The following LRRK2 variants were observed in gnomAD, a reference collection of about 807,000 sequenced individuals.
The protein encoded by LRRK2 is leucine rich repeat kinase 2.
A neutral mutation model predicts 302.6 loss-of-function variants in LRRK2; 203 were observed. The observed-to-expected ratio is 0.67, with a 90% CI of 0.60 to 0.75. The LOEUF (loss-of-function observed/expected upper bound fraction) is 0.75. Ranked by LOEUF, LRRK2 falls within the 30% of genes least tolerant of loss-of-function variation. The pLI is 0.00. For synonymous variants in LRRK2, 1,066 were observed against 1,031.9 expected (o/e 1.03, Z -0.63); for missense variants, 2,830 against 2,951.0 (o/e 0.96, Z 0.95).
At chr12:40,356,323 AAAATCTTGAACACAGTAGATCCTCTG>A in intron 46 of LRRK2, 136 bp downstream of exon 46, 2 of 646,402 alleles carry the variant, frequency 3.1e-6, no homozygotes, top group Non-Finnish European at 2.6e-6. Context: ...ATTGCTTCAT[AAAATCTTGAACACAGTAGATCCTCTG>A]AAAATACTTG....
intron 47 of LRRK2, among the ~76,000 whole-genome samples, chr12:40,360,610 A>G (rs10784536): frequency 0.77 from 116,759 of 151,998 alleles, 45,702 homozygotes; most frequent in Non-Finnish European, 0.86. Flanking sequence ...TAAAATGTAC[A>G]TCAATCTGAT....
chr12:40,333,915 G>T (rs896829265), intron 39 of LRRK2, among the ~76,000 whole-genome samples: 3 of 152,104 alleles, frequency 2.0e-5, no homozygotes, highest in African/African-American at 7.2e-5. Flanking sequence ...GCTGAAGGGT[G>T]GTGATTGAAG....
intron 33 of LRRK2, among the ~76,000 whole-genome samples, chr12:40,318,127 A>AT (rs1300614334): frequency 3.9e-5 from 6 of 152,046 alleles, no homozygotes; most frequent in African/African-American, 1.2e-4. Flanking sequence ...AATGAAGCAG[A>AT]TTTTTTCTGT....
chr12:40,272,016 T>G (rs1227423584), intron 14 of LRRK2, among the ~76,000 whole-genome samples: 1 of 152,164 alleles, frequency 6.6e-6, no homozygotes, highest in African/African-American at 2.4e-5. Context: ...AGCATAAAAA[T>G]AAGCCTATGA....
chr12:40,237,259 T>A (rs1315668345), intron 4 of LRRK2, among the ~76,000 whole-genome samples: 4 of 152,184 alleles, frequency 2.6e-5, no homozygotes, highest in Middle Eastern at 3.2e-3. Context: ...TGAGAAGATC[T>A]TAGTAGATTC....
At chr12:40,356,208 A>G (rs754122370) in intron 46 of LRRK2, 21 bp downstream of exon 46, 2 of 1,554,020 alleles carry the variant, frequency 1.3e-6, no homozygotes, top group Middle Eastern at 1.8e-4. Context: ...AATGCATTCT[A>G]CATCTAAATT....
chr12:40,301,004 G>A (rs1262837098), intron 25 of LRRK2: 2 of 467,452 alleles, frequency 4.3e-6, no homozygotes, highest in Non-Finnish European at 8.8e-6. Context: ...CCTAGGACAG[G>A]TATGACCTCT....
At chr12:40,331,144 T>C (rs1945700838) in intron 39 of LRRK2, among the ~76,000 whole-genome samples, 1 of 152,166 alleles carries the variant, frequency 6.6e-6, no homozygotes, top group Admixed American at 6.5e-5. Context: ...AATTGAGTAG[T>C]TTTGGGTGAC....
chr12:40,296,173 G>A (rs1663745758), intron 23 of LRRK2, among the ~76,000 whole-genome samples: 1 of 151,918 alleles, frequency 6.6e-6, no homozygotes, highest in Non-Finnish European at 1.5e-5. Flanking sequence ...TTTGGTCAAA[G>A]TTCCTGTCTT....
chr12:40,269,789 T>C (rs1451092954), intron 14 of LRRK2, among the ~76,000 whole-genome samples: 2 of 152,170 alleles, frequency 1.3e-5, no homozygotes, highest in African/African-American at 4.8e-5. Context: ...CGTTTTTTCC[T>C]TCCTGTATGT....
At chr12:40,248,714 C>T (rs970241483) in intron 7 of LRRK2, among the ~76,000 whole-genome samples, 1 of 152,184 alleles carries the variant, frequency 6.6e-6, no homozygotes, top group South Asian at 2.1e-4. Context: ...CACAAGTTAC[C>T]TGAACATAAG....
At chr12:40,232,641 T>A in intron 3 of LRRK2, 1 of 281,502 alleles carries the variant, frequency 3.6e-6, no homozygotes, top group East Asian at 6.8e-5. Context: ...ATAAAACTGG[T>A]TAAGTTGTAG....
rs570996314 is a variant in LRRK2 at position 40,314,587 on chromosome 12, G to A, written c.4738+414G>A. 5.3e-5 allele frequency among the ~76,000 whole-genome samples: 8 copies of A among 152,170 alleles called. No individual in the cohort carries two copies. The South Asian group carries it at 6.2e-4, about 12-fold the overall frequency. On this transcript the variant is annotated intron_variant, in intron 32 of 50. Coordinates refer to ENST00000298910, the MANE Select transcript of LRRK2 (RefSeq NM_198578.4). ...ATGGTCTAACTGGGACGCTTGGAGA[G>A]TCAATGGCTCCCTGAGATGATGCAG...
At chr12:40,367,359 T>C in intron 50 of LRRK2, 1 of 421,534 alleles carries the variant, frequency 2.4e-6, no homozygotes, top group Non-Finnish European at 4.2e-6. Flanking sequence ...CTACATAATG[T>C]CTAATTTTGA....
At position 40,278,140 on chromosome 12, in the gene LRRK2, A is replaced by G. The variant is rs199843822; in HGVS notation, c.2120A>G (p.Tyr707Cys). 6.2e-7 allele frequency: 1 copy of G among 1,614,134 alleles called. No homozygotes were observed. Among genetic ancestry groups the G allele is most frequent in the Non-Finnish European group, 8.5e-7 (1 of 1,180,000 alleles). The change falls in exon 18 of 51, where the codon TAC becomes TGC. Residue 707 changes from tyrosine (Y) to cysteine (C), a missense_variant. Around this residue, in one of 3 missense-constraint regions of LRRK2, gnomAD observed 2,121 missense variants for 2,148.0 expected, o/e 0.99. Transcript: ENST00000298910. ...TTTGCAAAAGTAGCTATGGATGATT[A>G]CTTAAAAAATGTGATGCTAGAGAGA... is the stretch of plus-strand genomic sequence containing the variant. ...KCFAKVAMDDYLKNVMLERAC... is the reference protein window; with the variant it reads ...KCFAKVAMDDCLKNVMLERAC...
intron 12 of LRRK2, among the ~76,000 whole-genome samples, chr12:40,258,396 G>T (rs1225239063): frequency 6.6e-6 from 1 of 152,124 alleles, no homozygotes. Flanking sequence ...ACACTGAGAT[G>T]AAAAGTTTAT....
At chr12:40,235,462 C>G (rs981153163) in intron 3 of LRRK2, among the ~76,000 whole-genome samples, 164 bp from the exon 4 acceptor site, 6 of 152,082 alleles carry the variant, frequency 3.9e-5, no homozygotes, top group African/African-American at 1.4e-4. Context: ...GGTGACACAG[C>G]AAGACCCTGT....
At chr12:40,280,203 C>A (rs1015930254) in intron 18 of LRRK2, among the ~76,000 whole-genome samples, 27 of 152,282 alleles carry the variant, frequency 1.8e-4, no homozygotes, top group Admixed American at 1.2e-3. Context: ...GTAATCCCAA[C>A]ACTTTGGGAT....
chr12:40,319,838 G>A (rs1945344130), intron 33 of LRRK2, 150 bp from the exon 34 acceptor site: 1 of 633,040 alleles, frequency 1.6e-6, no homozygotes, highest in Admixed American at 3.5e-5. Context: ...TAGGCCACAT[G>A]GTTGCTAGAG....
Sources: allele counts gnomAD v4.1 joint callset (sites outside exome capture counted in the v4.1 genomes callset), GRCh38; gene constraint gnomAD v4.1.1; regional missense constraint gnomAD v4.1.1; transcripts MANE v1.5; gene names NCBI Gene and HGNC (gene_info 2026-07-23, HGNC 2026-07-21).